The following MRPL39 variants were observed in gnomAD, a reference collection of about 807,000 sequenced individuals.
MRPL39 encodes the protein large ribosomal subunit protein mL39.
Under a neutral mutation model 44.5 loss-of-function variants are expected in MRPL39, and 35 were observed. The observed-to-expected ratio is 0.79, with a 90% CI of 0.60 to 1.04. The LOEUF (loss-of-function observed/expected upper bound fraction) is 1.04. MRPL39 is among the 50% of genes least tolerant of loss of function. The probability of loss-of-function intolerance (pLI) is 0.00; values close to 1 mark genes in which losing one functional copy is unlikely to be tolerated. For missense variants in MRPL39, 433 were observed against 413.5 expected, an observed-to-expected ratio of 1.05 and a Z score of -0.41; for synonymous variants, 139 against 136.1, an observed-to-expected ratio of 1.02 and a Z score of -0.15.
chr21:25,601,874 G>A (rs2031535215), intron 3 of MRPL39, among the ~76,000 whole-genome samples: 1 of 152,190 alleles, frequency 6.6e-6, no homozygotes, highest in Admixed American at 6.5e-5. Flanking sequence ...CAACTTTTAT[G>A]AATTATTAGT....
intron 5 of MRPL39, among the ~76,000 whole-genome samples, chr21:25,597,852 A>C (rs1424534034): frequency 6.6e-6 from 1 of 152,158 alleles, no homozygotes; most frequent in African/African-American, 2.4e-5. Flanking sequence ...TTAATTAAGA[A>C]AGTTTCACTA....
intron 8 of MRPL39, among the ~76,000 whole-genome samples, chr21:25,592,193 C>G (rs909599394): frequency 2.6e-5 from 4 of 152,076 alleles, no homozygotes; most frequent in Non-Finnish European, 2.9e-5. Flanking sequence ...AGGGAAGTGG[C>G]TGTAAATGCG....
intron 9 of MRPL39, among the ~76,000 whole-genome samples, chr21:25,586,858 T>A (rs933311426): frequency 1.3e-5 from 2 of 152,206 alleles, no homozygotes; most frequent in Non-Finnish European, 2.9e-5. Flanking sequence ...CTCTTCTTTA[T>A]GCCAGAGCCC....
chr21:25,607,818 C>A (rs1367035695), upstream of MRPL39, among the ~76,000 whole-genome samples: 1 of 151,690 alleles, frequency 6.6e-6, no homozygotes, highest in Non-Finnish European at 1.5e-5. Context: ...GGGTTCGATC[C>A]CGGCCACCCA....
chr21:25,592,876 A>C lies in MRPL39; in HGVS notation c.857T>G (p.Leu286Arg). 1 of 1,613,358 alleles carries C rather than the reference A, an allele frequency of 6.2e-7. No individual in the cohort carries two copies. The highest frequency in any genetic ancestry group is 8.5e-7 in the Non-Finnish European group (1 of 1,179,300). Reference protein sequence around the residue: ...FQYEVSAVHNLQPTQPSLIRR... With the variant: ...FQYEVSAVHNRQPTQPSLIRR... Reference sequence around the variant, plus strand: ...TATGAGACTTGGCTGGGTGGGTTGAAGATTGTGAACTGCTGATACTTCATA... The same window carrying C: ...TATGAGACTTGGCTGGGTGGGTTGACGATTGTGAACTGCTGATACTTCATA... Residue 286 changes from leucine to arginine, a missense_variant, in exon 8 of 10, where the codon CTT (leucine) becomes CGT (arginine). Physicochemically the swap from Leu to Arg is moderately radical, Grantham distance 102. Transcript: ENST00000352957.
rs146994948 is a variant in MRPL39 at position 25,607,460 on chromosome 21, T to G, written c.16A>C (p.Met6Leu). MEALAMGSRALRLWLV... is the reference protein window; with the variant it reads MEALALGSRALRLWLV... The stretch of plus-strand genomic sequence containing the variant: ...CAGAGCCGCAGCGCCCGGGAACCCA[T>G]GGCCAGCGCCTCCATAGCAGCGGTG... Residue 6 changes from methionine (M) to leucine (L), a missense_variant, in exon 1 of 10, where the codon ATG (methionine) becomes CTG (leucine). By Grantham distance (15) the Met-to-Leu change is conservative. Transcript: ENST00000352957. 14 of 1,612,446 alleles carry G rather than the reference T, an allele frequency of 8.7e-6. No individual in the cohort carries two copies. In the Admixed American group the frequency reaches 1.5e-4, roughly 17 times the overall value.
At chr21:25,597,500 G>A (rs2031396966) in intron 5 of MRPL39, 86 bp from the exon 6 acceptor site, 1 of 663,788 alleles carries the variant, frequency 1.5e-6, no homozygotes, top group South Asian at 2.2e-5. Context: ...TCTATGCTTA[G>A]TACTGCAAAT....
chr21:25,601,535 ATTAAATT>A, intron 3 of MRPL39, 68 bp from the exon 4 acceptor site: 1 of 1,062,078 alleles, frequency 9.4e-7, no homozygotes, highest in Non-Finnish European at 1.3e-6. Context: ...TTTTGACAAT[ATTAAATT>A]TTAAGTGAAC....
chr21:25,602,194 A>T (rs2829834), intron 3 of MRPL39, among the ~76,000 whole-genome samples: 1 of 152,040 alleles, frequency 6.6e-6, no homozygotes, highest in East Asian at 1.9e-4. Flanking sequence ...AAATAAGTAC[A>T]GACCCAGGCC....
At chr21:25,598,166 A>C (rs983632170) in intron 5 of MRPL39, among the ~76,000 whole-genome samples, 5 of 152,192 alleles carry the variant, frequency 3.3e-5, no homozygotes, top group African/African-American at 9.6e-5. Context: ...CTGTATAAAA[A>C]AATCAACATT....
chr21:25,599,954 A>C, intron 4 of MRPL39, 88 bp from the exon 5 acceptor site: 1 of 998,860 alleles, frequency 1.0e-6, no homozygotes, highest in South Asian at 1.3e-5. Context: ...TTAGACCATA[A>C]AAAGGATTAG....
At chr21:25,598,860 A>AGG (rs2031439813) in intron 5 of MRPL39, among the ~76,000 whole-genome samples, 5 of 142,372 alleles carry the variant, frequency 3.5e-5, no homozygotes, top group Admixed American at 1.4e-4. Context: ...TAAGGGGAAA[A>AGG]AAAAAAAAAA....
intron 8 of MRPL39, among the ~76,000 whole-genome samples, chr21:25,591,551 G>C (rs1230451011): frequency 1.3e-5 from 2 of 151,920 alleles, no homozygotes; most frequent in Non-Finnish European, 2.9e-5. Flanking sequence ...TATACAGATG[G>C]CAAATAAGTA....
chr21:25,585,810 C>A, intron 9 of MRPL39, 56 bp from the exon 10 acceptor site: 1 of 1,246,468 alleles, frequency 8.0e-7, no homozygotes, highest in South Asian at 1.3e-5. Flanking sequence ...TTTTACCCTT[C>A]ACCCACCATT....
At chr21:25,607,545 G>C (rs2031732429), upstream of MRPL39, 21 of 1,518,658 alleles carry the variant, frequency 1.4e-5, no homozygotes, top group Non-Finnish European at 1.9e-5. Flanking sequence ...ACGCGCACTC[G>C]GAGTTCCGCA....
intron 7 of MRPL39, 97 bp downstream of exon 7, chr21:25,593,796 A>G: frequency 9.7e-7 from 1 of 1,036,060 alleles, no homozygotes; most frequent in Admixed American, 2.3e-5. Flanking sequence ...ACAAAATAAG[A>G]CACAAATTCA....
At chr21:25,599,610 C>A (rs1465729607) in intron 5 of MRPL39, among the ~76,000 whole-genome samples, 189 bp downstream of exon 5, 1 of 151,984 alleles carries the variant, frequency 6.6e-6, no homozygotes, top group African/African-American at 2.4e-5. Context: ...CTTAAATAGG[C>A]TGAAAAAGCA....
chr21:25,606,601 A>G lies in MRPL39; in HGVS notation c.128T>C (p.Met43Thr), dbSNP rs1280623903. The change falls in exon 2 of 10, where the codon ATG (methionine) becomes ACG (threonine). Residue 43 changes from methionine to threonine, a missense_variant. Transcript: ENST00000352957. Reference sequence around the variant, plus strand: ...CTCTTTATTAAAGAGATCATTCCGCATTTCTGTCAATTCTGTCGGTGACAG... The same window carrying G: ...CTCTTTATTAAAGAGATCATTCCGCGTTTCTGTCAATTCTGTCGGTGACAG... The part of the protein sequence containing the change: ...SQLSPTELTE[M>T]RNDLFNKEKA... 4 of 1,613,882 alleles carry G rather than the reference A, an allele frequency of 2.5e-6. No homozygotes were observed. In the Admixed American group the frequency reaches 6.7e-5, roughly 27 times the overall value.
intron 8 of MRPL39, among the ~76,000 whole-genome samples, chr21:25,591,080 A>C (rs1335343341): frequency 2.4e-4 from 1 of 4,168 alleles, no homozygotes; most frequent in African/African-American, 5.6e-4. Flanking sequence ...TATAGCCCAC[A>C]AAAAAAAAAA....
Sources: gnomAD v4.1 joint callset for allele counts (sites outside exome capture counted in the v4.1 genomes callset) on GRCh38, gnomAD v4.1.1 for gene constraint, MANE v1.5 for transcripts, NCBI Gene and HGNC (gene_info 2026-07-23, HGNC 2026-07-21) for gene names.